Variants in CAMK2D observed in about 807,000 individuals in gnomAD.
CAMK2D encodes the protein calcium/calmodulin-dependent protein kinase type II subunit delta.
A neutral mutation model predicts 84.0 loss-of-function variants in CAMK2D; 37 were observed. The ratio of observed to expected loss-of-function variants is 0.44; its 90% CI spans 0.34 to 0.58. The LOEUF is 0.58. CAMK2D is among the 20% of genes least tolerant of loss of function. CAMK2D has a pLI of 0.02. For missense variants in CAMK2D, 448 were observed against 652.5 expected (o/e 0.69, Z 3.41); for synonymous variants, 202 against 212.5 (o/e 0.95, Z 0.43).
chr4:113,577,617 A>G (rs1388315701), intron 4 of CAMK2D, among the ~76,000 whole-genome samples: 2 of 152,060 alleles, frequency 1.3e-5, no homozygotes, highest in Non-Finnish European at 2.9e-5. Flanking sequence ...CATACGATAT[A>G]CCTTTTATTT....
rs372389734 is a variant in CAMK2D at position 113,610,514 on chromosome 4, T to C, written c.221-1308A>G. Among the ~76,000 whole-genome samples, 14 of 152,332 alleles carry C rather than the reference T, an allele frequency of 9.2e-5. No individual in the cohort carries two copies. In the East Asian group the frequency reaches 1.9e-3, roughly 21 times the overall value. On this transcript the variant is annotated intron_variant, in intron 3 of 20. Transcript: ENST00000511664. Reference sequence around the variant, plus strand: ...CATTCAATGCCCAGGCTCATAGACTTAACATAATCTCTGTGCTTTATCATC... The same window carrying C: ...CATTCAATGCCCAGGCTCATAGACTCAACATAATCTCTGTGCTTTATCATC...
chr4:113,640,112 C>G (rs1301361967), intron 3 of CAMK2D, among the ~76,000 whole-genome samples: 1 of 151,512 alleles, frequency 6.6e-6, no homozygotes, highest in Admixed American at 6.6e-5. Flanking sequence ...GCAGGGAACA[C>G]AAGCAGAGAA....
rs1345041656 is a variant in CAMK2D at position 113,454,304 on chromosome 4, A to C, written c.*241T>G. ...CCTATTGTTTTGCCAACAGTAATTTAAGTTTGTGTGGAACATCCCCGTAGT... is the reference window on the plus strand; with the variant it reads ...CCTATTGTTTTGCCAACAGTAATTTCAGTTTGTGTGGAACATCCCCGTAGT... On this transcript the variant is annotated 3_prime_UTR_variant, in exon 21 of 21. Coordinates refer to ENST00000511664, the MANE Select transcript of CAMK2D (RefSeq NM_001321571.2). The C allele has an allele frequency of 5.2e-6, 2 of 382,806 alleles. No homozygotes were observed. Among genetic ancestry groups the C allele is most frequent in the African/African-American group, 2.1e-5 (1 of 47,866 alleles). 23.7% of individuals were successfully genotyped at this position (382,806 alleles called of 1,614,324 possible).
intron 4 of CAMK2D, among the ~76,000 whole-genome samples, chr4:113,575,826 T>C (rs886980495): frequency 3.3e-5 from 5 of 152,172 alleles, no homozygotes; most frequent in African/African-American, 1.2e-4. Context: ...AGAGTCTTTG[T>C]GGAATAAAGT....
Position 113,454,416 on chromosome 4 carries a change from C to T in CAMK2D, c.*129G>A, listed in dbSNP as rs2097280371. On this transcript the variant is annotated 3_prime_UTR_variant, in exon 21 of 21. Coordinates refer to ENST00000511664, the MANE Select transcript of CAMK2D (RefSeq NM_001321571.2). Reference sequence around the variant, plus strand: ...CATGTAGGACCTTCACAACTTCATGCACTCAGAAACATGCATGAAGAGGAG... The same window carrying T: ...CATGTAGGACCTTCACAACTTCATGTACTCAGAAACATGCATGAAGAGGAG... 4.0e-6 allele frequency: 3 copies of T among 755,502 alleles called. No homozygotes were observed. The highest frequency in any genetic ancestry group is 3.6e-5 in the Admixed American group (2 of 54,962). The allele number at this position is 755,502 out of a possible 1,614,324, so 46.8% of individuals were successfully genotyped here. A position where few individuals can be genotyped will look rare whatever the true frequency, so the allele number is the denominator to read the frequency against.
chr4:113,517,571 C>T lies in CAMK2D; in HGVS notation c.688G>A (p.Ala230Thr). 1 of 1,532,776 alleles carries T rather than the reference C, an allele frequency of 6.5e-7. No individual in the cohort carries two copies. The highest frequency in any genetic ancestry group is 9.0e-7 in the Non-Finnish European group (1 of 1,108,852). 94.9% of individuals were successfully genotyped at this position (1,532,776 alleles called of 1,614,324 possible). A position where few individuals can be genotyped will look rare whatever the true frequency, so the allele number is the denominator to read the frequency against. The change falls in exon 9 of 21, where the codon GCT becomes ACT. Residue 230 changes from alanine to threonine, a missense_variant. Ala to Thr is a moderately conservative substitution (Grantham distance 58). Transcript: ENST00000511664. ...HRLYQQIKAG[A>T]YDFPSPEWDT... ...AAATAGTTATTACATACATCATAAG[C>T]TCCAGCCTTGATCTGCTGATAGAGT...
In CAMK2D at chr4:113,568,813, C is replaced by T. The variant is rs558184822; in HGVS notation, c.276-16717G>A. On this transcript the variant is annotated intron_variant, in intron 4 of 20. Coordinates refer to ENST00000511664, the MANE Select transcript of CAMK2D (RefSeq NM_001321571.2). Reference sequence around the variant, plus strand: ...TTAGTGGGTGTGAAGTACTATTTCACGGTGGTTTGATGTGTATTTCTCTAA... The same window carrying T: ...TTAGTGGGTGTGAAGTACTATTTCATGGTGGTTTGATGTGTATTTCTCTAA... Among the ~76,000 whole-genome samples the T allele has an allele frequency of 7.0e-4, 106 of 151,900 alleles. 2 individuals are homozygous for T. In the South Asian group the frequency reaches 0.02, roughly 29 times the overall value.
intron 4 of CAMK2D, among the ~76,000 whole-genome samples, chr4:113,574,047 T>A (rs937481568): frequency 6.6e-6 from 1 of 152,204 alleles, no homozygotes; most frequent in Non-Finnish European, 1.5e-5. Flanking sequence ...TTCATTTTAA[T>A]CTACATTCTT....
intron 4 of CAMK2D, among the ~76,000 whole-genome samples, chr4:113,577,618 C>G (rs2098789588): frequency 6.6e-6 from 1 of 152,076 alleles, no homozygotes; most frequent in African/African-American, 2.4e-5. Context: ...ATACGATATA[C>G]CTTTTATTTT....
At chr4:113,570,547 AAAAAGAGAGTCTCTTCAGT>A (rs1454306829) in intron 4 of CAMK2D, among the ~76,000 whole-genome samples, 2 of 152,206 alleles carry the variant, frequency 1.3e-5, no homozygotes, top group Non-Finnish European at 2.9e-5. Flanking sequence ...CATAAGGAGG[AAAAAGAGAGTCTCTTCAGT>A]AAGTGGTGCC....
intron 2 of CAMK2D, among the ~76,000 whole-genome samples, chr4:113,677,338 T>C (rs1022279450): frequency 6.6e-6 from 1 of 152,162 alleles, no homozygotes; most frequent in African/African-American, 2.4e-5. Flanking sequence ...AGGATCTATG[T>C]TGATTTTTTT....
intron 4 of CAMK2D, among the ~76,000 whole-genome samples, chr4:113,588,494 A>G (rs931650420): frequency 6.6e-6 from 1 of 152,182 alleles, no homozygotes; most frequent in African/African-American, 2.4e-5. Context: ...TCAAAAGCAG[A>G]TACTTGGCTA....
chr4:113,486,129 AT>A (rs34890867), intron 16 of CAMK2D, among the ~76,000 whole-genome samples: 116 of 146,418 alleles, frequency 7.9e-4, no homozygotes, highest in Admixed American at 8.2e-4. Context: ...TCCTCCTTTG[AT>A]TTTTTTTTTT....
At chr4:113,493,532 C>G (rs1008915055) in intron 16 of CAMK2D, among the ~76,000 whole-genome samples, 6 of 152,182 alleles carry the variant, frequency 3.9e-5, no homozygotes, top group South Asian at 2.1e-4. Context: ...TGATGGGCTT[C>G]CCTTTGAGGG....
At position 113,710,136 on chromosome 4, in the gene CAMK2D, A is replaced by ACATATTTG. The variant is rs1182088417; in HGVS notation, c.161-48372_161-48365dup. On this transcript the variant is annotated intron_variant, in intron 2 of 20. Coordinates refer to ENST00000511664, the MANE Select transcript of CAMK2D (RefSeq NM_001321571.2). ...AAACTAGGGTATTTTGACAAGACTT[A>ACATATTTG]CATATTTGTGAATAAATTCCTGTCA... 2.3e-4 allele frequency among the ~76,000 whole-genome samples: 35 copies of ACATATTTG among 152,196 alleles called. No homozygotes were observed. In the East Asian group the frequency reaches 3.9e-3, roughly 17 times the overall value.
chr4:113,544,790 C>T (rs1049147890), intron 6 of CAMK2D, among the ~76,000 whole-genome samples: 1 of 152,136 alleles, frequency 6.6e-6, no homozygotes, highest in East Asian at 1.9e-4. Flanking sequence ...CATTAATTGG[C>T]CTGCCACTGG....
intron 4 of CAMK2D, among the ~76,000 whole-genome samples, chr4:113,575,248 T>C (rs2098775115): frequency 6.6e-6 from 1 of 152,180 alleles, no homozygotes; most frequent in Non-Finnish European, 1.5e-5. Context: ...ACTAATATTA[T>C]GTGTCTGTAT....
At chr4:113,653,510 G>A (rs1475290035) in intron 3 of CAMK2D, among the ~76,000 whole-genome samples, 1 of 151,962 alleles carries the variant, frequency 6.6e-6, no homozygotes, top group Non-Finnish European at 1.5e-5. Context: ...TAATTTTTAG[G>A]CAGAACCATC....
chr4:113,652,838 T>C (rs1042590777), intron 3 of CAMK2D, among the ~76,000 whole-genome samples: 1 of 152,134 alleles, frequency 6.6e-6, no homozygotes, highest in Non-Finnish European at 1.5e-5. Context: ...ATCTATGTAC[T>C]ATAAGTAACT....
Sources: allele counts gnomAD v4.1 joint callset (sites outside exome capture counted in the v4.1 genomes callset), GRCh38; gene constraint gnomAD v4.1.1; transcripts MANE v1.5; gene names NCBI Gene and HGNC (gene_info 2026-07-23, HGNC 2026-07-21).